The following CSNK1G3 variants were observed in gnomAD, a reference collection of about 807,000 sequenced individuals.
The protein encoded by CSNK1G3 is casein kinase 1 gamma 3.
A neutral mutation model predicts 64.3 loss-of-function variants in CSNK1G3; 23 were observed. The observed-to-expected ratio is 0.36, with a 90% CI of 0.26 to 0.51. The LOEUF is 0.51. CSNK1G3 is among the 20% of genes least tolerant of loss of function. The pLI is 0.96. For missense variants in CSNK1G3, 357 were observed against 510.5 expected (o/e 0.70, Z 2.90); for synonymous variants, 158 against 162.2 (o/e 0.97, Z 0.20).
chr5:123,545,952 G>C, intron 2 of CSNK1G3, 111 bp downstream of exon 2: 1 of 951,746 alleles, frequency 1.1e-6, no homozygotes, highest in Non-Finnish European at 1.6e-6. Context: ...AATGGTTGTG[G>C]TAATTTTAAA....
At chr5:123,576,006 C>T in intron 6 of CSNK1G3, 43 bp downstream of exon 6, 1 of 1,280,860 alleles carries the variant, frequency 7.8e-7, no homozygotes, top group Non-Finnish European at 1.1e-6. Context: ...AACTTAGCAG[C>T]TGTGCTAACA....
At chr5:123,516,002 T>C (rs368466957) in intron 1 of CSNK1G3, among the ~76,000 whole-genome samples, 1 of 152,186 alleles carries the variant, frequency 6.6e-6, no homozygotes, top group East Asian at 1.9e-4. Flanking sequence ...AGTCAGTTTT[T>C]TTTTCTGACT....
intron 1 of CSNK1G3, among the ~76,000 whole-genome samples, chr5:123,522,727 T>C (rs1211232824): frequency 6.6e-6 from 1 of 151,538 alleles, no homozygotes; most frequent in East Asian, 1.9e-4. Flanking sequence ...GTACAGATGC[T>C]TTTTTTTCCC....
intron 1 of CSNK1G3, among the ~76,000 whole-genome samples, chr5:123,518,428 T>C (rs897110607): frequency 1.3e-5 from 2 of 152,202 alleles, no homozygotes; most frequent in Non-Finnish European, 2.9e-5. Flanking sequence ...AGAGCTCTGG[T>C]CTGCCCCTCT....
chr5:123,607,194 C>CTAA (rs1236626755), intron 12 of CSNK1G3, among the ~76,000 whole-genome samples: 1 of 152,146 alleles, frequency 6.6e-6, no homozygotes, highest in Non-Finnish European at 1.5e-5. Context: ...CAAGGCTTCT[C>CTAA]ATACCTGTCA....
chr5:123,587,718 A>G (rs190825523), intron 6 of CSNK1G3, among the ~76,000 whole-genome samples: 1 of 152,324 alleles, frequency 6.6e-6, no homozygotes, highest in African/African-American at 2.4e-5. Context: ...AAGTTTTAAT[A>G]CGTTACCTTC....
intron 12 of CSNK1G3, among the ~76,000 whole-genome samples, chr5:123,609,884 A>G (rs1326709604): frequency 2.2e-5 from 3 of 133,560 alleles, no homozygotes; most frequent in African/African-American, 8.8e-5. Context: ...AGAATCATTG[A>G]TGAGATTTGA....
intron 6 of CSNK1G3, among the ~76,000 whole-genome samples, chr5:123,577,716 G>A (rs1489245029): frequency 6.6e-6 from 1 of 151,290 alleles, no homozygotes; most frequent in African/African-American, 2.4e-5. Context: ...TTTTATTGAA[G>A]AGTTTTTTTT....
At chr5:123,564,731 C>T (rs1468737799) in intron 4 of CSNK1G3, among the ~76,000 whole-genome samples, 1 of 151,992 alleles carries the variant, frequency 6.6e-6, no homozygotes, top group Non-Finnish European at 1.5e-5. Flanking sequence ...GACTGTTGCT[C>T]TTTTTTACAG....
chr5:123,602,512 A>G (rs1794678664), intron 10 of CSNK1G3, among the ~76,000 whole-genome samples: 1 of 152,208 alleles, frequency 6.6e-6, no homozygotes, highest in Admixed American at 6.5e-5. Context: ...GTCAGTTGTC[A>G]ACTCTGTAGC....
At chr5:123,524,075 A>G (rs1040332477) in intron 1 of CSNK1G3, among the ~76,000 whole-genome samples, 8 of 152,222 alleles carry the variant, frequency 5.3e-5, no homozygotes, top group East Asian at 1.9e-4. Flanking sequence ...AAACTATTCC[A>G]TATCTTACTT....
intron 1 of CSNK1G3, among the ~76,000 whole-genome samples, chr5:123,526,137 A>G (rs972157256): frequency 8.3e-4 from 127 of 152,204 alleles, no homozygotes; most frequent in African/African-American, 3.0e-3. Context: ...TGCTGGGCTC[A>G]GGTGATACTC....
chr5:123,592,285 G>A (rs568618368), intron 10 of CSNK1G3, among the ~76,000 whole-genome samples: 4 of 151,904 alleles, frequency 2.6e-5, no homozygotes, highest in South Asian at 2.1e-4. Flanking sequence ...AATAGCAAGC[G>A]GTTCAAATTT....
intron 1 of CSNK1G3, among the ~76,000 whole-genome samples, chr5:123,537,367 A>G (rs1324175802): frequency 6.6e-6 from 1 of 151,902 alleles, no homozygotes; most frequent in African/African-American, 2.4e-5. Context: ...CTAAGTGGGT[A>G]CTAAAAATGT....
intron 1 of CSNK1G3, among the ~76,000 whole-genome samples, chr5:123,525,314 A>ATT (rs374117552): frequency 4.3e-4 from 58 of 133,954 alleles, no homozygotes; most frequent in Non-Finnish European, 5.6e-4. Flanking sequence ...AGTTGTTTGC[A>ATT]TTTTTTTTTT....
intron 1 of CSNK1G3, among the ~76,000 whole-genome samples, chr5:123,531,765 A>T (rs1233228393): frequency 6.6e-6 from 1 of 151,960 alleles, no homozygotes; most frequent in Non-Finnish European, 1.5e-5. Context: ...CATTAAATGT[A>T]TATCTGTTAT....
intron 4 of CSNK1G3, among the ~76,000 whole-genome samples, chr5:123,571,131 CGT>C (rs751880747): frequency 2.4e-4 from 36 of 152,000 alleles, no homozygotes; most frequent in Non-Finnish European, 4.9e-4. Context: ...ATGGGACAAG[CGT>C]GTGTGATGTG....
At chr5:123,523,228 A>G (rs1158890816) in intron 1 of CSNK1G3, among the ~76,000 whole-genome samples, 3 of 152,270 alleles carry the variant, frequency 2.0e-5, no homozygotes, top group African/African-American at 7.2e-5. Flanking sequence ...TACCTTAGTT[A>G]TAGTATATTG....
At chr5:123,558,667 C>G (rs574309506) in intron 4 of CSNK1G3, among the ~76,000 whole-genome samples, 1 of 152,260 alleles carries the variant, frequency 6.6e-6, no homozygotes, top group East Asian at 1.9e-4. Context: ...GTGTTCATCA[C>G]TACAGACTTC....
Sources: gnomAD v4.1 joint callset for allele counts (sites outside exome capture counted in the v4.1 genomes callset) on GRCh38, gnomAD v4.1.1 for gene constraint, MANE v1.5 for transcripts, NCBI Gene and HGNC (gene_info 2026-07-23, HGNC 2026-07-21) for gene names.